NOL6: variants seen among roughly 807,000 people sequenced by gnomAD.
The protein encoded by NOL6 is nucleolar protein 6.
A neutral mutation model predicts 131.7 loss-of-function variants in NOL6; 33 were observed. That is an observed-to-expected ratio of 0.25 (90% CI 0.19 to 0.33). NOL6 has a LOEUF of 0.33. Among genes scored for constraint, NOL6 ranks in the 10% least tolerant of loss-of-function variants. The pLI is 1.00. For missense variants in NOL6, 1,297 were observed against 1,494.5 expected, an observed-to-expected ratio of 0.87 and a Z score of 2.18; for synonymous variants, 580 against 605.7, an observed-to-expected ratio of 0.96 and a Z score of 0.62.
In NOL6 at chr9:33,468,941, C is replaced by T. The variant is rs754062770; in HGVS notation, c.1026+17G>A. 7.4e-6 allele frequency: 12 copies of T among 1,613,776 alleles called. No homozygotes were observed. In the Admixed American group the frequency reaches 8.3e-5, roughly 11 times the overall value. ...CACAGGCGCTCAGGTAGGGAGGCTG[C>T]GCCACCCCCAACTCACCTTGTCCAG... On this transcript the variant is annotated intron_variant, in intron 7 of 25. Transcript: ENST00000297990.
In NOL6 at chr9:33,468,035, G is replaced by T. The variant is rs560289415; in HGVS notation, c.1419C>A (p.Val473=). The change falls in exon 11 of 26, where the codon GTC becomes GTA. Residue 473 remains valine (V), a synonymous_variant. Transcript: ENST00000297990. The part of the protein sequence containing the change: ...PKPMIRAFDH[V]LHLRPLSRLQ... Reference sequence around the variant, plus strand: ...CCTGTCACCCCTAAACTCACTGCAGGACATGGTCAAAAGCCCGGATCATGG... The same window carrying T: ...CCTGTCACCCCTAAACTCACTGCAGTACATGGTCAAAAGCCCGGATCATGG... 3 of 1,614,132 alleles carry T rather than the reference G, an allele frequency of 1.9e-6. No individual in the cohort carries two copies. In the Admixed American group the frequency reaches 5.0e-5, roughly 27 times the overall value.
intron 3 of NOL6, among the ~76,000 whole-genome samples, chr9:33,471,546 T>A (rs949291863): frequency 6.6e-6 from 1 of 152,212 alleles, no homozygotes; most frequent in Non-Finnish European, 1.5e-5. Flanking sequence ...CCCTTAGATA[T>A]CTATATAGCT....
At chr9:33,464,535 C>T (rs1239363249) in intron 21 of NOL6, among the ~76,000 whole-genome samples, 1 of 152,078 alleles carries the variant, frequency 6.6e-6, no homozygotes, top group African/African-American at 2.4e-5. Flanking sequence ...CCAGAAATCA[C>T]CACTCCCACC....
chr9:33,464,440 C>T (rs1230703148), intron 21 of NOL6, among the ~76,000 whole-genome samples: 1 of 152,136 alleles, frequency 6.6e-6, no homozygotes, highest in Non-Finnish European at 1.5e-5. Flanking sequence ...CCCCTGGCCC[C>T]CTCCCACCAT....
chr9:33,472,968 C>CAAAA (rs398040337), intron 1 of NOL6, among the ~76,000 whole-genome samples: 2 of 70,928 alleles, frequency 2.8e-5, no homozygotes, highest in Admixed American at 1.7e-4. Context: ...GCAAGACTGT[C>CAAAA]AAAAAAAAAA....
intron 1 of NOL6, among the ~76,000 whole-genome samples, chr9:33,472,967 T>A (rs1478086313): frequency 3.2e-5 from 3 of 92,726 alleles, no homozygotes; most frequent in South Asian, 2.9e-4. Context: ...AGCAAGACTG[T>A]CAAAAAAAAA....
At chr9:33,470,327 G>T in intron 3 of NOL6, 136 bp from the exon 4 acceptor site, 1 of 765,078 alleles carries the variant, frequency 1.3e-6, no homozygotes, top group Non-Finnish European at 1.9e-6. Context: ...TGTCTTCCTT[G>T]CTAAGACAAC....
At position 33,466,923 on chromosome 9, in the gene NOL6, C is replaced by T. The variant is rs752592088; in HGVS notation, c.1939G>A (p.Gly647Ser). Residue 647 changes from glycine (G) to serine (S), a missense_variant, in exon 15 of 26, where the codon GGC (glycine) becomes AGC (serine). Gly to Ser is a moderately conservative substitution (Grantham distance 56). Transcript: ENST00000297990. ...CCCAAGACCCTTACCTCTTTCAGGC[C>T]TTGGATAAGTGCATCCAGGGGGCCC... ...VGGPLDALIQGLKETSSTGEE... is the reference protein window; with the variant it reads ...VGGPLDALIQSLKETSSTGEE... The T allele has an allele frequency of 1.2e-6, 2 of 1,614,074 alleles. No individual in the cohort carries two copies. The highest frequency in any genetic ancestry group is 1.7e-6 in the Non-Finnish European group (2 of 1,179,988).
chr9:33,468,226 C>T (rs1827304471), intron 10 of NOL6, 81 bp from the exon 11 acceptor site: 1 of 1,609,948 alleles, frequency 6.2e-7, no homozygotes, highest in Admixed American at 1.7e-5. Context: ...AAACTTAACT[C>T]TTTGAAGAGG....
At position 33,462,279 on chromosome 9, in the gene NOL6, GA is replaced by G; in HGVS notation, c.*384del. On this transcript the variant is annotated 3_prime_UTR_variant, in exon 26 of 26. Coordinates refer to ENST00000297990, the MANE Select transcript of NOL6 (RefSeq NM_022917.5). ...GCACAGGTCCTGGCAGCAGGAAGGA[GA>G]CAGAGCCTCTCCCAGGCACACATCC... is the stretch of plus-strand genomic sequence containing the variant. 1 of 714,166 alleles carries G rather than the reference GA, an allele frequency of 1.4e-6. No individual in the cohort carries two copies. The highest frequency in any genetic ancestry group is 2.6e-6 in the Non-Finnish European group (1 of 384,166). The allele number at this position is 714,166 out of a possible 1,614,324, so 44.2% of individuals were successfully genotyped here. A position where few individuals can be genotyped will look rare whatever the true frequency, so the allele number is the denominator to read the frequency against.
chr9:33,470,787 A>ATT (rs752418095), intron 3 of NOL6: 26,771 of 144,798 alleles, frequency 0.18, 2,869 homozygotes, highest in Admixed American at 0.25. Context: ...AAAGATTTAA[A>ATT]AAAAAAAAAA....
At position 33,468,734 on chromosome 9, in the gene NOL6, C is replaced by T. The variant is rs1827321668; in HGVS notation, c.1147+18G>A. 1 of 1,614,070 alleles carries T rather than the reference C, an allele frequency of 6.2e-7. No homozygotes were observed. Among genetic ancestry groups the T allele is most frequent in the Non-Finnish European group, 8.5e-7 (1 of 1,179,984 alleles). On this transcript the variant is annotated intron_variant, in intron 8 of 25. Transcript: ENST00000297990. ...GGAGGAGTGGAGCCCCTGGCCTTTC[C>T]CCACCTAGTTGCCTCACCCAGAAAC... is the stretch of plus-strand genomic sequence containing the variant.
chr9:33,467,199 T>A lies in NOL6; in HGVS notation c.1789A>T (p.Ile597Phe). The change falls in exon 14 of 26, where the codon ATT (isoleucine) becomes TTT (phenylalanine). Residue 597 changes from isoleucine (I) to phenylalanine (F), a missense_variant. Physicochemically the swap from Ile to Phe is conservative, Grantham distance 21. Coordinates refer to ENST00000297990, the MANE Select transcript of NOL6 (RefSeq NM_022917.5). The surrounding 1 kb of genome is among the most constrained non-coding windows in gnomAD (Gnocchi z 4.4). The part of the protein sequence containing the change: ...SELRRFQDGA[I>F]REAVVWEAAS... ...GCCTCCCAGACCACAGCTTCCCGAA[T>A]GGCTCCGTCCTGGAAACGCCGAAGC... is the stretch of plus-strand genomic sequence containing the variant. 6.2e-7 allele frequency: 1 copy of A among 1,614,144 alleles called. No homozygotes were observed. The highest frequency in any genetic ancestry group is 1.1e-5 in the South Asian group (1 of 91,078).
chr9:33,471,941 G>T, intron 3 of NOL6, 63 bp downstream of exon 3: 1 of 1,164,730 alleles, frequency 8.6e-7, no homozygotes, highest in Non-Finnish European at 1.3e-6. Context: ...CAAGGCCCCT[G>T]TTTGATATAC....
intron 15 of NOL6, 51 bp downstream of exon 15, chr9:33,466,861 C>T (rs507758): frequency 0.068 from 108,176 of 1,592,278 alleles, 5,018 homozygotes; most frequent in African/African-American, 0.23. Flanking sequence ...GGACTCTCTC[C>T]CCGCAGATTG....
At position 33,465,354 on chromosome 9, in the gene NOL6, T is replaced by C; in HGVS notation, c.2534A>G (p.Gln845Arg). 1.3e-6 allele frequency: 2 copies of C among 1,586,010 alleles called. No homozygotes were observed. The highest frequency in any genetic ancestry group is 1.3e-5 in the African/African-American group (1 of 74,408). The stretch of plus-strand genomic sequence containing the variant: ...ACCAGAGAAGGCTGGGTGCTGCTGC[T>C]GCAGTCTGCAGAGAGAAGGGGAGTG... ...PLLTSALHGL[Q>R]QQHPAFSGVA... The change falls in exon 20 of 26, where the codon CAG becomes CGG. Residue 845 changes from glutamine (Q) to arginine (R), a missense_variant. Coordinates refer to ENST00000297990, the MANE Select transcript of NOL6 (RefSeq NM_022917.5).
chr9:33,468,472 G>C (rs369857657), intron 9 of NOL6, 36 bp downstream of exon 9: 1 of 1,613,578 alleles, frequency 6.2e-7, no homozygotes, highest in African/African-American at 1.3e-5. Context: ...TTACTTGCAG[G>C]CCTCCTGGCA....
chr9:33,466,076 G>A lies in NOL6; in HGVS notation c.2359C>T (p.Leu787Phe). The A allele has an allele frequency of 6.3e-7, 1 of 1,586,074 alleles. No individual in the cohort carries two copies. The highest frequency in any genetic ancestry group is 8.6e-7 in the Non-Finnish European group (1 of 1,162,598). Residue 787 changes from leucine to phenylalanine, a missense_variant, in exon 18 of 26, where the codon CTT (leucine) becomes TTT (phenylalanine). Coordinates refer to ENST00000297990, the MANE Select transcript of NOL6 (RefSeq NM_022917.5). ...TCTGCCTGCACCAGCCTAACCTTAA[G>A]GACATCCGTGTGCGTGGCAGTGGCA... ...CRATATHTDVLKDGFVFRIRV... is the reference protein window; with the variant it reads ...CRATATHTDVFKDGFVFRIRV...
rs1375124188 is a variant in NOL6 at position 33,464,051 on chromosome 9, C to T, written c.2890G>A (p.Gly964Arg). Residue 964 changes from glycine to arginine, a missense_variant, in exon 22 of 26, where the codon GGA becomes AGA. Transcript: ENST00000297990. ...TGGGGTTGAACCTGGGCTGAGGGTC[C>T]ATCCTGTGTCCACACAGAGTTTTTG... ...DRKNSVWTQD[G>R]PSAQILQQLV... 1 of 1,613,438 alleles carries T rather than the reference C, an allele frequency of 6.2e-7. No individual in the cohort carries two copies. Among genetic ancestry groups the T allele is most frequent in the African/African-American group, 1.3e-5 (1 of 74,998 alleles).
Sources: gnomAD v4.1 joint callset for allele counts (sites outside exome capture counted in the v4.1 genomes callset) on GRCh38, gnomAD v4.1.1 for gene constraint, Gnocchi (gnomAD v3.1) non-coding constraint, MANE v1.5 for transcripts, NCBI Gene and HGNC (gene_info 2026-07-23, HGNC 2026-07-21) for gene names.